The following RARB variants were observed in gnomAD, a reference collection of about 807,000 sequenced individuals.
The protein encoded by RARB is retinoic acid receptor beta.
A neutral mutation model predicts 51.9 loss-of-function variants in RARB; 17 were observed. The ratio of observed to expected loss-of-function variants is 0.33; its 90% CI spans 0.22 to 0.49. The LOEUF is 0.49. Among genes scored for constraint, RARB ranks in the 20% least tolerant of loss-of-function variants. The probability of loss-of-function intolerance (pLI) is 0.99; values close to 1 mark genes in which losing one functional copy is unlikely to be tolerated. For missense variants in RARB, 369 were observed against 550.8 expected, an observed-to-expected ratio of 0.67 and a Z score of 3.30; for synonymous variants, 215 against 195.4, an observed-to-expected ratio of 1.10 and a Z score of -0.84.
intron 1 of RARB, among the ~76,000 whole-genome samples, chr3:25,445,103 C>A (rs1559405968): frequency 6.6e-6 from 1 of 151,994 alleles, no homozygotes; most frequent in Non-Finnish European, 1.5e-5. Context: ...GCACACATGA[C>A]CACACCTGGC....
chr3:25,499,819 C>A (rs1002966349), intron 2 of RARB, among the ~76,000 whole-genome samples: 1 of 152,044 alleles, frequency 6.6e-6, no homozygotes, highest in African/African-American at 2.4e-5. Flanking sequence ...AATAAGATTG[C>A]AAAGCTAGAT....
At chr3:25,045,010 T>C (rs575767779) in intron 2 of RARB, among the ~76,000 whole-genome samples, 2 of 152,298 alleles carry the variant, frequency 1.3e-5, no homozygotes, top group South Asian at 2.1e-4. Context: ...CTTGGAGGAA[T>C]GGACTATGAC....
chr3:24,950,907 C>A (rs1467504264), intron 2 of RARB, among the ~76,000 whole-genome samples: 1 of 152,118 alleles, frequency 6.6e-6, no homozygotes, highest in Non-Finnish European at 1.5e-5. Context: ...CTGAATCAAA[C>A]AATGGTGGTG....
intron 2 of RARB, among the ~76,000 whole-genome samples, chr3:24,899,045 G>A (rs921471343): frequency 6.6e-6 from 1 of 152,190 alleles, no homozygotes; most frequent in African/African-American, 2.4e-5. Flanking sequence ...AGCAGCAGTA[G>A]CATGATCTAA....
intron 2 of RARB, among the ~76,000 whole-genome samples, chr3:24,982,889 G>C (rs779000506): frequency 6.6e-6 from 1 of 152,176 alleles, no homozygotes; most frequent in African/African-American, 2.4e-5. Flanking sequence ...TAACACATAT[G>C]TCCTATGTCT....
At chr3:25,520,470 G>T (rs1698354589) in intron 3 of RARB, among the ~76,000 whole-genome samples, 1 of 152,104 alleles carries the variant, frequency 6.6e-6, no homozygotes, top group South Asian at 2.1e-4. Flanking sequence ...AAAAGAGTTG[G>T]TTCCTAATAC....
At chr3:25,500,355 A>T (rs1697233452) in intron 2 of RARB, among the ~76,000 whole-genome samples, 1 of 151,870 alleles carries the variant, frequency 6.6e-6, no homozygotes, top group Admixed American at 6.6e-5. Context: ...TTGTATTTTA[A>T]ATGTTGTGAG....
At chr3:25,245,761 T>C (rs954163435) in intron 5 of RARB, among the ~76,000 whole-genome samples, 2 of 152,164 alleles carry the variant, frequency 1.3e-5, no homozygotes, top group Non-Finnish European at 2.9e-5. Flanking sequence ...TCAATCTTGG[T>C]GAATCTGACG....
intron 5 of RARB, among the ~76,000 whole-genome samples, chr3:25,368,337 A>G (rs776817410): frequency 1.3e-5 from 2 of 152,158 alleles, no homozygotes; most frequent in African/African-American, 4.8e-5. Context: ...GAATTCTTTA[A>G]ATAGTACAAT....
At chr3:25,398,080 A>G (rs999985664) in intron 5 of RARB, among the ~76,000 whole-genome samples, 2 of 152,244 alleles carry the variant, frequency 1.3e-5, no homozygotes, top group East Asian at 3.9e-4. Flanking sequence ...TTTTACATGA[A>G]ATTTGTTTTT....
chr3:25,407,640 C>G (rs1707447419), intron 5 of RARB, among the ~76,000 whole-genome samples: 2 of 152,112 alleles, frequency 1.3e-5, no homozygotes, highest in Non-Finnish European at 2.9e-5. Flanking sequence ...CACATGCATG[C>G]ACGCACACAC....
At chr3:24,974,353 A>G (rs1696464764) in intron 2 of RARB, among the ~76,000 whole-genome samples, 1 of 152,110 alleles carries the variant, frequency 6.6e-6, no homozygotes, top group African/African-American at 2.4e-5. Context: ...TTTATTGAGG[A>G]TTCTTGCATC....
At chr3:25,266,914 T>G (rs1225025544) in intron 5 of RARB, among the ~76,000 whole-genome samples, 1 of 152,206 alleles carries the variant, frequency 6.6e-6, no homozygotes, top group South Asian at 2.1e-4. Context: ...AATACATTTC[T>G]ATTGTTTAAG....
At chr3:24,897,804 A>G (rs1372637457) in intron 2 of RARB, among the ~76,000 whole-genome samples, 1 of 151,914 alleles carries the variant, frequency 6.6e-6, no homozygotes. Context: ...ATAGGTTTAA[A>G]TAAAACTTTA....
At chr3:24,986,831 T>G (rs934575354) in intron 2 of RARB, among the ~76,000 whole-genome samples, 24 of 152,074 alleles carry the variant, frequency 1.6e-4, no homozygotes, top group African/African-American at 4.8e-4. Context: ...TGCGGTGAAC[T>G]CCTACCCCTT....
chr3:25,078,405 A>C (rs1385798028), intron 3 of RARB, among the ~76,000 whole-genome samples: 5 of 152,114 alleles, frequency 3.3e-5, no homozygotes, highest in Admixed American at 2.6e-4. Flanking sequence ...ATCAATAATC[A>C]ATTGACCATT....
At chr3:24,949,197 T>G (rs1300092084) in intron 2 of RARB, among the ~76,000 whole-genome samples, 2 of 152,202 alleles carry the variant, frequency 1.3e-5, no homozygotes, top group Admixed American at 1.3e-4. Context: ...GTCAAAGGTA[T>G]TGGAGTATTT....
At chr3:24,882,390 G>T (rs1215595944) in intron 2 of RARB, among the ~76,000 whole-genome samples, 1 of 152,136 alleles carries the variant, frequency 6.6e-6, no homozygotes, top group African/African-American at 2.4e-5. Context: ...CATTTATATT[G>T]TACTAGGTAT....
intron 5 of RARB, among the ~76,000 whole-genome samples, chr3:25,382,086 T>G (rs1183818985): frequency 1.3e-5 from 2 of 152,174 alleles, no homozygotes; most frequent in Non-Finnish European, 2.9e-5. Context: ...TGTCTTTTTT[T>G]GGCCCCAGAA....
Sources: gnomAD v4.1 joint callset for allele counts (sites outside exome capture counted in the v4.1 genomes callset) on GRCh38, gnomAD v4.1.1 for gene constraint, MANE v1.5 for transcripts, NCBI Gene and HGNC (gene_info 2026-07-23, HGNC 2026-07-21) for gene names.